The following NXPH1 variants were observed in gnomAD, a reference collection of about 807,000 sequenced individuals.
NXPH1 encodes the protein neurexophilin 1, also known as neurexophilin-1.
Under a neutral mutation model 23.7 loss-of-function variants are expected in NXPH1, and 5 were observed. That is an observed-to-expected ratio of 0.21 (90% CI 0.11 to 0.44). NXPH1 has a LOEUF of 0.44. Ranked by LOEUF, NXPH1 falls within the 20% of genes least tolerant of loss-of-function variation. NXPH1 has a pLI of 0.99. For synonymous variants in NXPH1, 144 were observed against 122.2 expected, an observed-to-expected ratio of 1.18 and a Z score of -1.18; for missense variants, 324 against 321.6, an observed-to-expected ratio of 1.01 and a Z score of -0.06.
At chr7:8,629,705 A>T (rs1168284022) in intron 2 of NXPH1, among the ~76,000 whole-genome samples, 1 of 152,162 alleles carries the variant, frequency 6.6e-6, no homozygotes, top group Non-Finnish European at 1.5e-5. Context: ...CTGAAGTTAT[A>T]ATACAGTGCA....
chr7:8,714,635 A>G (rs906463212), intron 2 of NXPH1, among the ~76,000 whole-genome samples: 2 of 152,116 alleles, frequency 1.3e-5, no homozygotes, highest in Non-Finnish European at 2.9e-5. Flanking sequence ...TCAGGGCCCA[A>G]GGGCCCTTTA....
intron 2 of NXPH1, among the ~76,000 whole-genome samples, chr7:8,749,117 T>C (rs2115234809): frequency 6.6e-6 from 1 of 152,318 alleles, no homozygotes; most frequent in Middle Eastern, 3.4e-3. Context: ...AAGATCTCCA[T>C]ATGTATTATT....
intron 2 of NXPH1, among the ~76,000 whole-genome samples, chr7:8,463,390 T>C (rs1816726827): frequency 6.6e-6 from 1 of 152,128 alleles, no homozygotes; most frequent in East Asian, 1.9e-4. Context: ...TTTTAACCCT[T>C]TGAAAATATA....
intron 2 of NXPH1, among the ~76,000 whole-genome samples, chr7:8,559,665 T>G (rs75410917): frequency 0.056 from 8,529 of 151,698 alleles, 300 homozygotes; most frequent in Middle Eastern, 0.1. Flanking sequence ...AAGGCTGGGG[T>G]TGGGTCTGGT....
At chr7:8,642,192 T>G (rs768520071) in intron 2 of NXPH1, among the ~76,000 whole-genome samples, 4 of 152,218 alleles carry the variant, frequency 2.6e-5, no homozygotes, top group Non-Finnish European at 4.4e-5. Context: ...TTTGCAGGAC[T>G]GAAAGTATCC....
chr7:8,471,659 T>C (rs1360450652), intron 2 of NXPH1, among the ~76,000 whole-genome samples: 1 of 152,130 alleles, frequency 6.6e-6, no homozygotes, highest in Non-Finnish European at 1.5e-5. Flanking sequence ...TTTTACCTTT[T>C]TATTCTTGAA....
chr7:8,638,656 A>G (rs1820257399), intron 2 of NXPH1, among the ~76,000 whole-genome samples: 1 of 152,192 alleles, frequency 6.6e-6, no homozygotes, highest in South Asian at 2.1e-4. Context: ...AGAGCAAGGA[A>G]TTCAAAAATT....
intron 2 of NXPH1, among the ~76,000 whole-genome samples, chr7:8,710,886 T>C (rs1462916949): frequency 1.7e-5 from 2 of 115,152 alleles, no homozygotes; most frequent in African/African-American, 9.9e-5. Flanking sequence ...ATGGTCTCGA[T>C]CTCCTGACCT....
At chr7:8,636,319 A>T (rs1265970258) in intron 2 of NXPH1, among the ~76,000 whole-genome samples, 2 of 152,196 alleles carry the variant, frequency 1.3e-5, no homozygotes, top group Non-Finnish European at 2.9e-5. Context: ...AAAGAAATTT[A>T]TCTGTAGAAC....
intron 2 of NXPH1, among the ~76,000 whole-genome samples, chr7:8,454,493 A>G (rs965128830): frequency 6.6e-6 from 1 of 152,092 alleles, no homozygotes; most frequent in African/African-American, 2.4e-5. Context: ...CCCTTTGTTC[A>G]TTTGTAAATT....
intron 2 of NXPH1, among the ~76,000 whole-genome samples, chr7:8,614,814 T>A (rs1428241927): frequency 6.6e-6 from 1 of 152,072 alleles, no homozygotes; most frequent in Admixed American, 6.6e-5. Flanking sequence ...TAAAGATTTA[T>A]CAAAAGGAGA....
In NXPH1 at chr7:8,715,967, A is replaced by G. The variant is rs1484924132; in HGVS notation, c.55-35041A>G. Among the ~76,000 whole-genome samples, 3 of 152,276 alleles carry G rather than the reference A, an allele frequency of 2.0e-5. No homozygotes were observed. The South Asian group carries it at 6.2e-4, about 32-fold the overall frequency. ...TATATAAATGTATTAGCAGTTGTCA[A>G]TGCATATATATGAATATACATATAT... On this transcript the variant is annotated intron_variant, in intron 2 of 2. Transcript: ENST00000405863.
At chr7:8,561,994 T>G (rs1818454152) in intron 2 of NXPH1, among the ~76,000 whole-genome samples, 1 of 151,734 alleles carries the variant, frequency 6.6e-6, no homozygotes. Context: ...AGCATCCAAA[T>G]GAGAGTTACA....
Position 8,435,705 on chromosome 7 carries a change from C to T in NXPH1, c.-9C>T. 1 of 1,613,758 alleles carries T rather than the reference C, an allele frequency of 6.2e-7. No homozygotes were observed. The highest frequency in any genetic ancestry group is 1.1e-5 in the South Asian group (1 of 91,068). On this transcript the variant is annotated 5_prime_UTR_variant, in exon 2 of 3. It adds an upstream start codon to the 5' untranslated region. Transcript: ENST00000405863. The surrounding 1 kb of genome is among the most constrained non-coding windows in gnomAD (Gnocchi z 5.9). The stretch of plus-strand genomic sequence containing the variant: ...AAGGCACCGCCAAGGAAGTTTGAGA[C>T]GCGGGAGAATGCAGGCTGCGTGCTG...
intron 2 of NXPH1, among the ~76,000 whole-genome samples, chr7:8,539,012 T>G (rs1227129463): frequency 6.6e-6 from 1 of 151,918 alleles, no homozygotes; most frequent in East Asian, 1.9e-4. Context: ...TAAATCTGAG[T>G]AAATGAGGCT....
At chr7:8,545,491 A>AT (rs904107600) in intron 2 of NXPH1, among the ~76,000 whole-genome samples, 1 of 151,518 alleles carries the variant, frequency 6.6e-6, no homozygotes, top group African/African-American at 2.4e-5. Context: ...TAAATATGAG[A>AT]TTTTACTTCG....
At chr7:8,465,614 C>T (rs1463503887) in intron 2 of NXPH1, among the ~76,000 whole-genome samples, 1 of 152,206 alleles carries the variant, frequency 6.6e-6, no homozygotes, top group Non-Finnish European at 1.5e-5. Flanking sequence ...TTCACGGTCG[C>T]TTTCCAGCTG....
At chr7:8,620,682 GA>G (rs1819849096) in intron 2 of NXPH1, among the ~76,000 whole-genome samples, 1 of 152,174 alleles carries the variant, frequency 6.6e-6, no homozygotes, top group Non-Finnish European at 1.5e-5. Context: ...CAAAAAAGCT[GA>G]AGCTAATTCT....
chr7:8,719,445 A>G (rs1779930263), intron 2 of NXPH1, among the ~76,000 whole-genome samples: 1 of 149,692 alleles, frequency 6.7e-6, no homozygotes. Context: ...GTACAACCCT[A>G]GTGGGGACAT....
Sources: allele counts gnomAD v4.1 joint callset (sites outside exome capture counted in the v4.1 genomes callset), GRCh38; gene constraint gnomAD v4.1.1; non-coding constraint Gnocchi (gnomAD v3.1); transcripts MANE v1.5; gene names NCBI Gene and HGNC (gene_info 2026-07-23, HGNC 2026-07-21).